PSPC1: variants seen among roughly 807,000 people sequenced by gnomAD.
PSPC1 encodes the protein paraspeckle component 1.
A neutral mutation model predicts 51.6 loss-of-function variants in PSPC1; 14 were observed. That is an observed-to-expected ratio of 0.27 (90% CI 0.18 to 0.42). The LOEUF (loss-of-function observed/expected upper bound fraction) is 0.42, where lower values mean the gene tolerates loss of function less well. PSPC1 is among the 10% of genes least tolerant of loss of function. The pLI is 1.00. For synonymous variants in PSPC1, 193 were observed against 231.9 expected (o/e 0.83, Z 1.53); for missense variants, 406 against 701.1 (o/e 0.58, Z 4.75).
chr13:19,711,639 TAAAAAAAAAAAA>T (rs143917566), intron 6 of PSPC1, among the ~76,000 whole-genome samples: 1 of 80,944 alleles, frequency 1.2e-5, no homozygotes, highest in Non-Finnish European at 2.2e-5. Context: ...CTCCGTCTCA[TAAAAAAAAAAAA>T]AAAAAAAAAA....
chr13:19,754,834 C>G (rs1023625845), intron 3 of PSPC1, among the ~76,000 whole-genome samples: 2 of 152,186 alleles, frequency 1.3e-5, no homozygotes, highest in African/African-American at 4.8e-5. Flanking sequence ...ACTTCTAGTT[C>G]TCTAACTCCC....
At chr13:19,713,601 T>C (rs1018471048) in intron 6 of PSPC1, among the ~76,000 whole-genome samples, 2 of 146,908 alleles carry the variant, frequency 1.4e-5, no homozygotes, top group African/African-American at 2.5e-5. Context: ...AAAGGCAAGA[T>C]TTTAACTTAT....
At chr13:19,689,584 C>T (rs190501852) in intron 6 of PSPC1, among the ~76,000 whole-genome samples, 14 of 152,286 alleles carry the variant, frequency 9.2e-5, no homozygotes, top group Non-Finnish European at 1.9e-4. Context: ...TTCATCATCT[C>T]TTGTCAAGAA....
At chr13:19,752,247 T>C (rs1258272445) in intron 3 of PSPC1, among the ~76,000 whole-genome samples, 1 of 152,176 alleles carries the variant, frequency 6.6e-6, no homozygotes, top group South Asian at 2.1e-4. Context: ...CCTCTTTCTC[T>C]TGATAGACTT....
chr13:19,748,225 G>GA (rs11379226), intron 4 of PSPC1, among the ~76,000 whole-genome samples: 113,462 of 147,070 alleles, frequency 0.77, 44,420 homozygotes, highest in East Asian at 0.92. Context: ...CTCAAAAAAA[G>GA]AAAAAAAAAA....
At chr13:19,683,441 T>C (rs1593518738) in intron 6 of PSPC1, among the ~76,000 whole-genome samples, 1 of 152,322 alleles carries the variant, frequency 6.6e-6, no homozygotes, top group African/African-American at 2.4e-5. Context: ...CCATTCCATT[T>C]CTATGAAATT....
intron 6 of PSPC1, among the ~76,000 whole-genome samples, chr13:19,690,151 A>T (rs1026947416): frequency 2.0e-5 from 3 of 152,214 alleles, no homozygotes; most frequent in South Asian, 2.1e-4. Flanking sequence ...AATGTATCAA[A>T]ACCTGAGAGG....
At chr13:19,679,870 ATCAGGATT>A (rs1172182956) in intron 6 of PSPC1, among the ~76,000 whole-genome samples, 15 of 152,210 alleles carry the variant, frequency 9.9e-5, no homozygotes, top group Non-Finnish European at 1.9e-4. Flanking sequence ...TCTCAATAAC[ATCAGGATT>A]ACTAAAAACT....
downstream of PSPC1, among the ~76,000 whole-genome samples, chr13:19,701,460 G>A (rs960375291): frequency 4.6e-5 from 7 of 151,848 alleles, no homozygotes; most frequent in Admixed American, 2.6e-4. Flanking sequence ...TGAGAAACAT[G>A]AGAATAGTCT....
At chr13:19,745,440 A>G (rs1158624798) in intron 4 of PSPC1, among the ~76,000 whole-genome samples, 2 of 152,060 alleles carry the variant, frequency 1.3e-5, no homozygotes, top group African/African-American at 4.8e-5. Context: ...AAACAAACTA[A>G]AATTTTGATT....
At chr13:19,680,862 CAT>C (rs1448365551) in intron 6 of PSPC1, among the ~76,000 whole-genome samples, 2 of 152,146 alleles carry the variant, frequency 1.3e-5, no homozygotes, top group East Asian at 1.9e-4. Flanking sequence ...ACATTTTTCA[CAT>C]AGTCAGAAAT....
intron 5 of PSPC1, among the ~76,000 whole-genome samples, chr13:19,731,265 T>C (rs1453361630): frequency 6.6e-6 from 1 of 152,160 alleles, no homozygotes; most frequent in African/African-American, 2.4e-5. Flanking sequence ...AAAATCTATA[T>C]AGTAATATTG....
downstream of PSPC1, among the ~76,000 whole-genome samples, chr13:19,699,965 A>C (rs1179483829): frequency 6.6e-6 from 1 of 151,984 alleles, no homozygotes; most frequent in African/African-American, 2.4e-5. Context: ...AACTTCCTTC[A>C]TTTTTTCAAA....
chr13:19,758,185 C>T (rs564931212), intron 3 of PSPC1, among the ~76,000 whole-genome samples: 2 of 151,672 alleles, frequency 1.3e-5, no homozygotes, highest in Non-Finnish European at 2.9e-5. Context: ...TGGTGGTGGG[C>T]GCCTGTGGTC....
At chr13:19,754,602 G>C (rs910889713) in intron 3 of PSPC1, among the ~76,000 whole-genome samples, 1 of 148,536 alleles carries the variant, frequency 6.7e-6, no homozygotes, top group South Asian at 2.2e-4. Flanking sequence ...ACCACGTCTG[G>C]CTAATTTTTG....
intron 3 of PSPC1, among the ~76,000 whole-genome samples, chr13:19,754,697 C>T (rs1403146550): frequency 1.3e-5 from 2 of 152,166 alleles, no homozygotes; most frequent in African/African-American, 4.8e-5. Flanking sequence ...ACCTCGGCCT[C>T]CCAAAGTGCT....
At chr13:19,764,703 G>T (rs1395678193) in intron 2 of PSPC1, among the ~76,000 whole-genome samples, 3 of 37,346 alleles carry the variant, frequency 8.0e-5, no homozygotes, top group Non-Finnish European at 7.7e-5. Flanking sequence ...AAAAAAAAAG[G>T]TGGCTTAAAA....
At chr13:19,696,429 TCTC>T (rs1879245832) in intron 6 of PSPC1, among the ~76,000 whole-genome samples, 1 of 152,040 alleles carries the variant, frequency 6.6e-6, no homozygotes, top group African/African-American at 2.4e-5. Context: ...AAATAGATGC[TCTC>T]ATTATGAACC....
At chr13:19,714,632 C>A (rs565965318) in intron 6 of PSPC1, among the ~76,000 whole-genome samples, 1 of 150,920 alleles carries the variant, frequency 6.6e-6, no homozygotes, top group Non-Finnish European at 1.5e-5. Flanking sequence ...GTAGCTGGAA[C>A]TATAGGCAGA....
Sources: allele counts gnomAD v4.1 joint callset (sites outside exome capture counted in the v4.1 genomes callset), GRCh38; gene constraint gnomAD v4.1.1; transcripts MANE v1.5; gene names NCBI Gene and HGNC (gene_info 2026-07-23, HGNC 2026-07-21).